The following SVEP1 variants were observed in gnomAD, a reference collection of about 807,000 sequenced individuals.
The protein encoded by SVEP1 is sushi, von Willebrand factor type A, EGF and pentraxin domain-containing protein 1.
In SVEP1, 164 loss-of-function variants were observed where a neutral mutation model predicts 367.3. That is an observed-to-expected ratio of 0.45 (90% CI 0.39 to 0.51). SVEP1 has a LOEUF of 0.51. Ranked by LOEUF, SVEP1 falls within the 20% of genes least tolerant of loss-of-function variation. The pLI is 0.00. For synonymous variants in SVEP1, 1,666 were observed against 1,611.6 expected, an observed-to-expected ratio of 1.03 and a Z score of -0.81; for missense variants, 4,117 against 4,425.3, an observed-to-expected ratio of 0.93 and a Z score of 1.98.
intron 8 of SVEP1, among the ~76,000 whole-genome samples, 166 bp from the exon 9 acceptor site, chr9:110,489,945 A>G (rs541127138): frequency 9.2e-5 from 14 of 152,332 alleles, no homozygotes; most frequent in Admixed American, 6.5e-5. Context: ...TTCTATTTAC[A>G]TGATTTATAG....
chr9:110,561,979 C>T (rs539094026), intron 1 of SVEP1, among the ~76,000 whole-genome samples: 11 of 152,042 alleles, frequency 7.2e-5, no homozygotes, highest in Non-Finnish European at 1.5e-4. Flanking sequence ...AGAACTAAGT[C>T]TCAAATTTAT....
At chr9:110,370,291 C>G (rs1827256841) in intron 46 of SVEP1, among the ~76,000 whole-genome samples, 1 of 152,126 alleles carries the variant, frequency 6.6e-6, no homozygotes, top group African/African-American at 2.4e-5. Flanking sequence ...CACTCCAAGT[C>G]CACTGATTTT....
At chr9:110,549,204 A>T (rs1047738289) in intron 2 of SVEP1, among the ~76,000 whole-genome samples, 1 of 152,162 alleles carries the variant, frequency 6.6e-6, no homozygotes, top group Non-Finnish European at 1.5e-5. Flanking sequence ...TTCTGATAGG[A>T]AGTTTAATTT....
At chr9:110,508,972 T>G (rs1315090031) in intron 5 of SVEP1, among the ~76,000 whole-genome samples, 1 of 152,148 alleles carries the variant, frequency 6.6e-6, no homozygotes, top group Non-Finnish European at 1.5e-5. Context: ...GCCTCAATCT[T>G]ACACATATTT....
At chr9:110,563,747 C>T (rs1290282861) in intron 1 of SVEP1, among the ~76,000 whole-genome samples, 1 of 152,154 alleles carries the variant, frequency 6.6e-6, no homozygotes, top group Non-Finnish European at 1.5e-5. Flanking sequence ...GTGGCTACTT[C>T]CTCCAACATT....
At position 110,455,650 on chromosome 9, in the gene SVEP1, T is replaced by G. The variant is rs777288654; in HGVS notation, c.3727A>C (p.Asn1243His). Residue 1243 changes from asparagine to histidine, a missense_variant, in exon 22 of 48, where the codon AAT becomes CAT. By Grantham distance (68) the Asn-to-His change is moderately conservative. Coordinates refer to ENST00000374469, the MANE Select transcript of SVEP1 (RefSeq NM_153366.4). ...CCAACTAGGTCTTTACAAACTCCATTGTTGAGGCAAGGCAGTGGGCTGCAC... is the reference window on the plus strand; with the variant it reads ...CCAACTAGGTCTTTACAAACTCCATGGTTGAGGCAAGGCAGTGGGCTGCAC... ...DECSPLPCLN[N>H]GVCKDLVGEF... 1 of 1,613,584 alleles carries G rather than the reference T, an allele frequency of 6.2e-7. No homozygotes were observed. The highest frequency in any genetic ancestry group is 1.7e-5 in the Admixed American group (1 of 59,946).
intron 5 of SVEP1, among the ~76,000 whole-genome samples, chr9:110,509,395 T>C (rs1473043504): frequency 1.3e-5 from 2 of 152,256 alleles, no homozygotes; most frequent in Non-Finnish European, 2.9e-5. Context: ...TACAACTTTG[T>C]ATACTGGTAA....
chr9:110,406,571 G>T lies in SVEP1; in HGVS notation c.9029C>A (p.Pro3010Gln), dbSNP rs1205201154. ...PSCLPCRCST[P>Q]VIEYGTVNGT... ...ATTGACAGTTCCATATTCAATTACT[G>T]GTGTGGAACATCTGCAAGGCAGGCA... Residue 3010 changes from proline (P) to glutamine (Q), a missense_variant, in exon 38 of 48, where the codon CCA (proline) becomes CAA (glutamine). By Grantham distance (76) the Pro-to-Gln change is moderately conservative (BLOSUM62 -1). Transcript: ENST00000374469. The T allele has an allele frequency of 6.2e-7, 1 of 1,613,644 alleles. No homozygotes were observed. Among genetic ancestry groups the T allele is most frequent in the East Asian group, 2.2e-5 (1 of 44,878 alleles).
chr9:110,501,571 T>C (rs1406592714), intron 6 of SVEP1, among the ~76,000 whole-genome samples: 1 of 152,126 alleles, frequency 6.6e-6, no homozygotes, highest in Non-Finnish European at 1.5e-5. Flanking sequence ...TCTAATCTCA[T>C]AATTTCTTAC....
At chr9:110,483,919 C>G (rs1267666954) in intron 9 of SVEP1, among the ~76,000 whole-genome samples, 1 of 152,162 alleles carries the variant, frequency 6.6e-6, no homozygotes, top group East Asian at 1.9e-4. Flanking sequence ...AAAAATGCCA[C>G]CTTTCTAAAA....
chr9:110,505,817 CTCTT>C (rs1829616994), intron 5 of SVEP1, among the ~76,000 whole-genome samples: 1 of 141,224 alleles, frequency 7.1e-6, no homozygotes, highest in African/African-American at 2.5e-5. Flanking sequence ...TTTCTTTTCT[CTCTT>C]TTTTTTTTTA....
intron 36 of SVEP1, among the ~76,000 whole-genome samples, chr9:110,411,957 CCAA>C (rs2118507695): frequency 6.6e-6 from 1 of 151,978 alleles, no homozygotes; most frequent in South Asian, 2.1e-4. Flanking sequence ...TTAAATCTTC[CCAA>C]CGACTTTATC....
chr9:110,386,632 T>C (rs374093060), intron 42 of SVEP1, among the ~76,000 whole-genome samples: 3 of 152,106 alleles, frequency 2.0e-5, no homozygotes, highest in African/African-American at 4.8e-5. Flanking sequence ...GATGGATTCA[T>C]TGTTATAGGC....
Position 110,375,391 on chromosome 9 carries a change from C to T in SVEP1, c.10577G>A (p.Trp3526Ter). 6.5e-7 allele frequency: 1 copy of T among 1,542,332 alleles called. No homozygotes were observed. Among genetic ancestry groups the T allele is most frequent in the Non-Finnish European group, 8.7e-7 (1 of 1,143,488 alleles). The change falls in exon 46 of 48, where the codon TGG becomes TAG. Residue 3526 changes from tryptophan (W) to a stop codon, truncating the protein, a stop_gained. Coordinates refer to ENST00000374469, the MANE Select transcript of SVEP1 (RefSeq NM_153366.4). LOFTEE classifies it high-confidence loss of function. ...ACCTGTATGACAGCGAGACCCCGTC[C>T]AGCCAGGCGGGCAGTCACACTGGTA... is the stretch of plus-strand genomic sequence containing the variant. ...APYQCDCPPG[W>*]TGSRCHTAVC... is the part of the protein sequence containing the mutation.
In SVEP1 at chr9:110,386,090, GAA is replaced by G; in HGVS notation, c.10061-18_10061-17del. On this transcript the variant is annotated splice_polypyrimidine_tract_variant and intron_variant, in intron 42 of 47. Transcript: ENST00000374469. ...CATGGATTTGCTGTCAAAAAGAAAA[GAA>G]AATGCTTACTGATATTTCCCCTCTT... 1 of 1,600,792 alleles carries G rather than the reference GAA, an allele frequency of 6.2e-7. No homozygotes were observed. Among genetic ancestry groups the G allele is most frequent in the Non-Finnish European group, 8.5e-7 (1 of 1,173,680 alleles).
chr9:110,388,904 G>T lies in SVEP1; in HGVS notation c.9886+620C>A, dbSNP rs1247329733. ...GAGTCCCTTGAGCCCGGGAAGTGGA[G>T]GTTGCAGTGAGCTGAGGTTGCACTA... On this transcript the variant is annotated intron_variant, in intron 41 of 47. Coordinates refer to ENST00000374469, the MANE Select transcript of SVEP1 (RefSeq NM_153366.4). Among the ~76,000 whole-genome samples the T allele has an allele frequency of 2.0e-5, 3 of 152,152 alleles. No individual in the cohort carries two copies. The East Asian group carries it at 5.8e-4, about 29-fold the overall frequency.
intron 8 of SVEP1, among the ~76,000 whole-genome samples, chr9:110,489,982 C>G (rs576770114): frequency 6.6e-6 from 1 of 152,038 alleles, no homozygotes; most frequent in Non-Finnish European, 1.5e-5. Flanking sequence ...AAATATTTCT[C>G]CTTGTTTTTT....
At chr9:110,484,372 T>C (rs192364227) in intron 9 of SVEP1, among the ~76,000 whole-genome samples, 2 of 152,232 alleles carry the variant, frequency 1.3e-5, no homozygotes, top group African/African-American at 4.8e-5. Flanking sequence ...GGAGTCTGTG[T>C]TGCTGAGCAC....
chr9:110,367,852 G>A (rs1225768158), intron 47 of SVEP1, among the ~76,000 whole-genome samples: 5 of 152,074 alleles, frequency 3.3e-5, no homozygotes, highest in South Asian at 2.1e-4. Flanking sequence ...AGGCCAAGGC[G>A]GGCAGATCAC....
Sources: gnomAD v4.1 joint callset for allele counts (sites outside exome capture counted in the v4.1 genomes callset) on GRCh38, gnomAD v4.1.1 for gene constraint, MANE v1.5 for transcripts, NCBI Gene and HGNC (gene_info 2026-07-23, HGNC 2026-07-21) for gene names.